The following GLDC variants were observed in gnomAD, a reference collection of about 807,000 sequenced individuals.
GLDC encodes the protein glycine decarboxylase.
GLDC carries 104 observed loss-of-function variants against 121.3 expected under a neutral mutation model. The observed-to-expected ratio is 0.86, with a 90% CI of 0.73 to 1.01. The LOEUF (loss-of-function observed/expected upper bound fraction) is 1.01, where lower values mean the gene tolerates loss of function less well. Ranked by LOEUF, GLDC falls within the 50% of genes least tolerant of loss-of-function variation. The pLI is 0.00. For synonymous variants in GLDC, 546 were observed against 480.6 expected, an observed-to-expected ratio of 1.14 and a Z score of -1.78; for missense variants, 1,429 against 1,306.6, an observed-to-expected ratio of 1.09 and a Z score of -1.44.
chr9:6,558,796 AT>A, intron 16 of GLDC, 112 bp from the exon 17 acceptor site: 2 of 1,099,840 alleles, frequency 1.8e-6, no homozygotes, highest in Non-Finnish European at 2.8e-6. Context: ...ACCTGTTTTT[AT>A]TTAGGCTGAA....
At chr9:6,555,370 G>C (rs1249882137) in intron 18 of GLDC, among the ~76,000 whole-genome samples, 1 of 152,162 alleles carries the variant, frequency 6.6e-6, no homozygotes, top group Non-Finnish European at 1.5e-5. Context: ...AATTTTGATG[G>C]TGACCAAAGG....
intron 20 of GLDC, among the ~76,000 whole-genome samples, chr9:6,552,858 C>A (rs1351642286): frequency 6.6e-6 from 1 of 152,120 alleles, no homozygotes; most frequent in Non-Finnish European, 1.5e-5. Context: ...GCACCACAAA[C>A]CCTAAAGGCC....
intron 15 of GLDC, among the ~76,000 whole-genome samples, chr9:6,582,582 C>CTTAT: frequency 1.3e-5 from 2 of 151,880 alleles, no homozygotes; most frequent in African/African-American, 4.8e-5. Context: ...GTAATCCCAG[C>CTTAT]ACTTTGAGAG....
At chr9:6,622,266 C>G (rs1446936149) in intron 2 of GLDC, among the ~76,000 whole-genome samples, 1 of 151,812 alleles carries the variant, frequency 6.6e-6, no homozygotes, top group Non-Finnish European at 1.5e-5. Flanking sequence ...CCTCTCCCCA[C>G]GGTCTCCCTC....
At chr9:6,621,093 C>A (rs1228374302) in intron 2 of GLDC, among the ~76,000 whole-genome samples, 2 of 152,190 alleles carry the variant, frequency 1.3e-5, no homozygotes, top group African/African-American at 4.8e-5. Context: ...TCACATGAGC[C>A]TGGGAGGCAG....
At chr9:6,619,795 A>C (rs10124861) in intron 3 of GLDC, among the ~76,000 whole-genome samples, 36,772 of 152,060 alleles carry the variant, frequency 0.24, 5,339 homozygotes, top group East Asian at 0.43. Context: ...GACTCCACCA[A>C]TGACTCAATG....
intron 10 of GLDC, 104 bp downstream of exon 10, chr9:6,592,747 C>T: frequency 8.8e-7 from 1 of 1,130,400 alleles, no homozygotes; most frequent in Non-Finnish European, 1.3e-6. Flanking sequence ...AGGACTGTGC[C>T]TAAAGTTTTC....
chr9:6,589,722 T>A lies in GLDC; in HGVS notation c.1483-430A>T, dbSNP rs542751019. On this transcript the variant is annotated intron_variant, in intron 11 of 24. Transcript: ENST00000321612. ...GATTACAGTCATGGGCCACTGAGCCTGGCCAAAGATGTAAATTTAAAAGCT... is the reference window on the plus strand; with the variant it reads ...GATTACAGTCATGGGCCACTGAGCCAGGCCAAAGATGTAAATTTAAAAGCT... Among the ~76,000 whole-genome samples, 90 of 152,234 alleles carry A rather than the reference T, an allele frequency of 5.9e-4. 1 individual carries two copies. In the South Asian group the frequency reaches 0.018, roughly 31 times the overall value.
At chr9:6,613,277 T>C (rs1424351854) in intron 3 of GLDC, among the ~76,000 whole-genome samples, 1 of 152,202 alleles carries the variant, frequency 6.6e-6, no homozygotes, top group African/African-American at 2.4e-5. Flanking sequence ...TAACTACAGT[T>C]AACATTCAGG....
intron 2 of GLDC, among the ~76,000 whole-genome samples, chr9:6,628,159 A>T (rs1369007810): frequency 1.3e-5 from 2 of 152,122 alleles, no homozygotes; most frequent in Non-Finnish European, 1.5e-5. Context: ...ACCACTGTAC[A>T]CCTCTTCTCC....
At chr9:6,545,254 T>C (rs980096037) in intron 21 of GLDC, among the ~76,000 whole-genome samples, 1 of 152,238 alleles carries the variant, frequency 6.6e-6, no homozygotes, top group Non-Finnish European at 1.5e-5. Flanking sequence ...CAGCATGGTG[T>C]ACTTACATAA....
At chr9:6,588,848 G>C (rs2129838162) in intron 12 of GLDC, 146 bp from the exon 13 acceptor site, 1 of 709,054 alleles carries the variant, frequency 1.4e-6, no homozygotes, top group Non-Finnish European at 2.6e-6. Context: ...CACTCAGAGA[G>C]AAGGGCACAG....
chr9:6,607,705 G>A (rs914517569), intron 4 of GLDC, among the ~76,000 whole-genome samples: 3 of 151,898 alleles, frequency 2.0e-5, no homozygotes, highest in South Asian at 2.1e-4. Flanking sequence ...GTGCAGTAGC[G>A]CCATCACAGC....
chr9:6,612,330 C>T (rs895283883), intron 3 of GLDC, among the ~76,000 whole-genome samples: 5 of 151,830 alleles, frequency 3.3e-5, no homozygotes, highest in African/African-American at 1.2e-4. Flanking sequence ...TTCAAAGTCT[C>T]GATATTGTAC....
At chr9:6,584,582 C>T (rs557449547) in intron 15 of GLDC, among the ~76,000 whole-genome samples, 4 of 152,258 alleles carry the variant, frequency 2.6e-5, no homozygotes, top group African/African-American at 9.6e-5. Context: ...TGTGGTGTAT[C>T]CCTTCCTTTT....
chr9:6,568,573 C>T (rs759739266), intron 15 of GLDC, among the ~76,000 whole-genome samples: 2 of 152,142 alleles, frequency 1.3e-5, no homozygotes, highest in African/African-American at 2.4e-5. Context: ...CCATGCCGGG[C>T]GTGGTGGCTC....
At chr9:6,568,284 A>G (rs1022864786) in intron 15 of GLDC, among the ~76,000 whole-genome samples, 6 of 152,258 alleles carry the variant, frequency 3.9e-5, no homozygotes, top group Admixed American at 2.0e-4. Context: ...AATGTGACAC[A>G]AGGATTACTA....
intron 19 of GLDC, among the ~76,000 whole-genome samples, chr9:6,554,084 G>A (rs529780194): frequency 3.9e-5 from 6 of 152,270 alleles, no homozygotes; most frequent in African/African-American, 1.4e-4. Context: ...GGAGACTGAA[G>A]CAGCTCAGGA....
chr9:6,588,919 G>T (rs946311357), intron 12 of GLDC, among the ~76,000 whole-genome samples: 5 of 152,168 alleles, frequency 3.3e-5, no homozygotes, highest in African/African-American at 1.2e-4. Flanking sequence ...TGAGTTGAAG[G>T]TTGGGAAGAA....
Sources: allele counts gnomAD v4.1 joint callset (sites outside exome capture counted in the v4.1 genomes callset), GRCh38; gene constraint gnomAD v4.1.1; transcripts MANE v1.5; gene names NCBI Gene and HGNC (gene_info 2026-07-23, HGNC 2026-07-21).